Variants in AKAP6 observed in about 807,000 individuals in gnomAD.
AKAP6 encodes the protein A-kinase anchor protein 6.
AKAP6 carries 58 observed loss-of-function variants against 188.5 expected under a neutral mutation model. The ratio of observed to expected loss-of-function variants is 0.31; its 90% CI spans 0.25 to 0.38. AKAP6 has a LOEUF of 0.38. Among genes scored for constraint, AKAP6 ranks in the 10% least tolerant of loss-of-function variants. AKAP6 has a pLI of 1.00. For missense variants in AKAP6, 2,710 were observed against 2,740.0 expected, an observed-to-expected ratio of 0.99 and a Z score of 0.24; for synonymous variants, 989 against 998.6, an observed-to-expected ratio of 0.99 and a Z score of 0.18.
At chr14:32,505,685 TTTTA>T (rs1365735850) in intron 2 of AKAP6, among the ~76,000 whole-genome samples, 1 of 152,156 alleles carries the variant, frequency 6.6e-6, no homozygotes, top group African/African-American at 2.4e-5. Flanking sequence ...AAATGTATAT[TTTTA>T]TTTATGAGGT....
At chr14:32,576,966 T>A (rs1168917393) in intron 4 of AKAP6, among the ~76,000 whole-genome samples, 154 bp from the exon 5 acceptor site, 2 of 152,170 alleles carry the variant, frequency 1.3e-5, no homozygotes, top group Non-Finnish European at 2.9e-5. Flanking sequence ...TAGTGGAAAT[T>A]CCATTACAGC....
intron 1 of AKAP6, among the ~76,000 whole-genome samples, chr14:32,355,142 C>T (rs901985622): frequency 3.9e-5 from 6 of 152,162 alleles, no homozygotes; most frequent in Non-Finnish European, 7.3e-5. Flanking sequence ...TTTCTTTTTA[C>T]GTACCTTAGA....
chr14:32,335,693 A>C (rs1886667897), intron 1 of AKAP6, among the ~76,000 whole-genome samples: 1 of 152,136 alleles, frequency 6.6e-6, no homozygotes, highest in Admixed American at 6.6e-5. Flanking sequence ...CTAATTAACC[A>C]TCCTGTTGGT....
intron 9 of AKAP6, among the ~76,000 whole-genome samples, chr14:32,720,821 C>T (rs948244547): frequency 2.6e-5 from 4 of 152,052 alleles, no homozygotes; most frequent in African/African-American, 7.2e-5. Context: ...TAGCCAACTG[C>T]ACTCCAGCCT....
intron 7 of AKAP6, among the ~76,000 whole-genome samples, chr14:32,633,342 TG>T (rs1246558068): frequency 6.6e-6 from 1 of 152,138 alleles, no homozygotes; most frequent in Non-Finnish European, 1.5e-5. Flanking sequence ...CATTTTGGTC[TG>T]TTGCTTTAAT....
chr14:32,760,141 G>T (rs554355247), intron 11 of AKAP6, among the ~76,000 whole-genome samples: 36 of 152,246 alleles, frequency 2.4e-4, no homozygotes, highest in African/African-American at 7.2e-4. Context: ...GCAAATTATT[G>T]CAACAACACA....
intron 12 of AKAP6, among the ~76,000 whole-genome samples, chr14:32,809,915 T>A (rs1283608307): frequency 6.6e-6 from 1 of 152,118 alleles, no homozygotes; most frequent in East Asian, 1.9e-4. Context: ...ACCTGGTATT[T>A]TATTTCCCTG....
chr14:32,594,178 T>G (rs959995983), intron 5 of AKAP6, among the ~76,000 whole-genome samples: 1 of 152,240 alleles, frequency 6.6e-6, no homozygotes, highest in Non-Finnish European at 1.5e-5. Context: ...TTAGATAGTA[T>G]GATTTCCATT....
At chr14:32,466,842 T>TATATATAC (rs1418317752) in intron 2 of AKAP6, among the ~76,000 whole-genome samples, 21 of 142,798 alleles carry the variant, frequency 1.5e-4, no homozygotes, top group Middle Eastern at 3.3e-3. Flanking sequence ...TATATATATA[T>TATATATAC]ATATTTTCTT....
intron 2 of AKAP6, among the ~76,000 whole-genome samples, chr14:32,483,525 C>T (rs764285071): frequency 3.9e-5 from 6 of 151,924 alleles, no homozygotes; most frequent in Non-Finnish European, 8.8e-5. Flanking sequence ...GCTCTTTTTG[C>T]CCAGGCTGGA....
intron 11 of AKAP6, among the ~76,000 whole-genome samples, chr14:32,756,708 C>T (rs2032346959): frequency 6.6e-6 from 1 of 152,162 alleles, no homozygotes; most frequent in Admixed American, 6.5e-5. Flanking sequence ...CAGCCTGATG[C>T]TGGAATAGGC....
chr14:32,583,149 A>T (rs1299422318), intron 5 of AKAP6, among the ~76,000 whole-genome samples: 1 of 151,958 alleles, frequency 6.6e-6, no homozygotes, highest in Non-Finnish European at 1.5e-5. Context: ...GATGATGGTG[A>T]TGTACAGATG....
In AKAP6 at chr14:32,628,511, A is replaced by G. The variant is rs142655864; in HGVS notation, c.2730+27719A>G. ...TAGGGCTGGGTGAAAGATTTCTAGG[A>G]AATAATTTTAACCTGGACCACTGAA... is the stretch of plus-strand genomic sequence containing the variant. On this transcript the variant is annotated intron_variant, in intron 7 of 13. Transcript: ENST00000280979. Among the ~76,000 whole-genome samples the G allele has an allele frequency of 4.8e-3, 727 of 152,206 alleles. 12 individuals are homozygous for G. Among genetic ancestry groups the G allele is most frequent in the African/African-American group, 0.017 (703 of 41,550 alleles).
At chr14:32,824,927 T>C (rs889576569) in intron 13 of AKAP6, 112 bp downstream of exon 13, 23 of 753,422 alleles carry the variant, frequency 3.1e-5, no homozygotes, top group African/African-American at 5.4e-5. Context: ...GACAGTTATC[T>C]GAATAAGACA....
chr14:32,548,000 T>C (rs1363372959), intron 4 of AKAP6, among the ~76,000 whole-genome samples: 2 of 152,160 alleles, frequency 1.3e-5, no homozygotes, highest in Non-Finnish European at 2.9e-5. Context: ...TTGATAATTG[T>C]TAATGGTTTC....
intron 7 of AKAP6, among the ~76,000 whole-genome samples, chr14:32,612,427 C>G (rs555609168): frequency 7.9e-5 from 12 of 152,134 alleles, no homozygotes; most frequent in Admixed American, 4.6e-4. Flanking sequence ...AAGACAGAAC[C>G]CTACTTTATC....
intron 2 of AKAP6, among the ~76,000 whole-genome samples, chr14:32,517,891 G>A (rs545878962): frequency 8.5e-5 from 13 of 152,332 alleles, no homozygotes; most frequent in African/African-American, 1.9e-4. Context: ...GGGACAGACC[G>A]CCTCCTCAAG....
In AKAP6 at chr14:32,353,854, C is replaced by T. The variant is rs1044915786; in HGVS notation, c.-35+24446C>T. Among the ~76,000 whole-genome samples the T allele has an allele frequency of 1.8e-4, 28 of 152,148 alleles. 1 individual carries two copies. The highest frequency in any genetic ancestry group is 1.0e-3 in the South Asian group (5 of 4,812). ...GCCAAATCATGAGTGAATTCCCATTCACAATTGCTTCAAAGAGAATAAAAT... is the reference window on the plus strand; with the variant it reads ...GCCAAATCATGAGTGAATTCCCATTTACAATTGCTTCAAAGAGAATAAAAT... On this transcript the variant is annotated intron_variant, in intron 1 of 13. Transcript: ENST00000280979.
At chr14:32,365,439 G>C (rs556454140) in intron 1 of AKAP6, among the ~76,000 whole-genome samples, 66 of 152,264 alleles carry the variant, frequency 4.3e-4, no homozygotes, top group African/African-American at 1.5e-3. Flanking sequence ...CCCAGGACCT[G>C]TCAAGCTTTC....
Sources: allele counts gnomAD v4.1 joint callset (sites outside exome capture counted in the v4.1 genomes callset), GRCh38; gene constraint gnomAD v4.1.1; transcripts MANE v1.5; gene names NCBI Gene and HGNC (gene_info 2026-07-23, HGNC 2026-07-21).